Variants in DAB1 observed in about 807,000 individuals in gnomAD.
DAB1 encodes disabled homolog 1.
Under a neutral mutation model 64.6 loss-of-function variants are expected in DAB1, and 15 were observed. The observed-to-expected ratio is 0.23, with a 90% CI of 0.16 to 0.36. The LOEUF is 0.36. Among genes scored for constraint, DAB1 ranks in the 10% least tolerant of loss-of-function variants. DAB1 has a pLI of 1.00. For missense variants in DAB1, 596 were observed against 706.7 expected (o/e 0.84, Z 1.78); for synonymous variants, 235 against 251.9 (o/e 0.93, Z 0.64).
intron 4 of DAB1, among the ~76,000 whole-genome samples, chr1:58,309,145 A>G (rs974773440): frequency 2.0e-5 from 3 of 152,170 alleles, no homozygotes; most frequent in African/African-American, 7.2e-5. Flanking sequence ...TTCTTTGTGA[A>G]GTATTGTGAG....
chr1:58,471,138 T>C (rs1455608658), intron 3 of DAB1, among the ~76,000 whole-genome samples: 1 of 152,184 alleles, frequency 6.6e-6, no homozygotes, highest in African/African-American at 2.4e-5. Context: ...ACAAAAAGTT[T>C]TGAGGCAGAC....
intron 5 of DAB1, among the ~76,000 whole-genome samples, chr1:58,136,558 C>T (rs948865962): frequency 6.6e-6 from 1 of 152,214 alleles, no homozygotes; most frequent in Non-Finnish European, 1.5e-5. Flanking sequence ...GTTTCCAAAG[C>T]TTCACATTTG....
chr1:57,157,847 T>G (rs2100871365), intron 2 of DAB1, among the ~76,000 whole-genome samples: 1 of 152,262 alleles, frequency 6.6e-6, no homozygotes, highest in Middle Eastern at 3.4e-3. Context: ...GCCTGTCCCA[T>G]TCTCATAAAT....
chr1:57,249,825 C>T (rs1669189395), intron 2 of DAB1, among the ~76,000 whole-genome samples: 5 of 152,244 alleles, frequency 3.3e-5, no homozygotes, highest in Admixed American at 3.3e-4. Flanking sequence ...TTACTCCATG[C>T]AGACTTCTGC....
At chr1:57,408,124 T>A (rs1260285518) in intron 1 of DAB1, among the ~76,000 whole-genome samples, 2 of 152,156 alleles carry the variant, frequency 1.3e-5, no homozygotes, top group African/African-American at 4.8e-5. Flanking sequence ...GAGAGGGAAC[T>A]GAAGAATGCC....
chr1:57,687,599 C>CAAAAAAAAAAAAAAAAAAAAAAAAAAAAA (rs57316234), intron 6 of DAB1, among the ~76,000 whole-genome samples: 27 of 82,448 alleles, frequency 3.3e-4, no homozygotes, highest in Non-Finnish European at 4.2e-4. Flanking sequence ...TCTTAAGAAA[C>CAAAAAAAAAAAAAAAAAAAAAAAAAAAAA]AAAAAAAAAA....
At chr1:57,400,471 T>C (rs561143305) in intron 1 of DAB1, among the ~76,000 whole-genome samples, 57 of 152,188 alleles carry the variant, frequency 3.7e-4, no homozygotes, top group African/African-American at 1.3e-3. Flanking sequence ...TAGATGGTTC[T>C]TTCCACTAAT....
chr1:57,085,732 G>A (rs1334909313), intron 4 of DAB1, among the ~76,000 whole-genome samples: 3 of 152,124 alleles, frequency 2.0e-5, no homozygotes, highest in Non-Finnish European at 2.9e-5. Flanking sequence ...TCCCATGTTC[G>A]TTTTTGGCTC....
At chr1:57,005,442 G>C (rs962274149) in intron 14 of DAB1, among the ~76,000 whole-genome samples, 1 of 152,106 alleles carries the variant, frequency 6.6e-6, no homozygotes, top group Non-Finnish European at 1.5e-5. Flanking sequence ...CGTATTTTAG[G>C]GATTTCTGTC....
intron 4 of DAB1, among the ~76,000 whole-genome samples, chr1:58,311,876 C>T (rs993043149): frequency 6.6e-6 from 1 of 151,224 alleles, no homozygotes; most frequent in African/African-American, 2.5e-5. Flanking sequence ...TTCACAACAA[C>T]ATTGGGGGGT....
intron 7 of DAB1, among the ~76,000 whole-genome samples, chr1:57,610,451 C>T (rs548163529): frequency 6.6e-6 from 1 of 152,258 alleles, no homozygotes; most frequent in Admixed American, 6.5e-5. Flanking sequence ...ATGGGACTTG[C>T]CCAATGTCAC....
intron 2 of DAB1, among the ~76,000 whole-genome samples, chr1:58,518,123 T>C (rs1646186682): frequency 6.8e-6 from 1 of 147,440 alleles, no homozygotes; most frequent in South Asian, 2.2e-4. Flanking sequence ...GAGGTGGTGG[T>C]TGCTGTGAGC....
At chr1:58,105,753 C>A (rs1344490621) in intron 5 of DAB1, among the ~76,000 whole-genome samples, 3 of 152,168 alleles carry the variant, frequency 2.0e-5, no homozygotes, top group Non-Finnish European at 4.4e-5. Flanking sequence ...AAAAAGTCCC[C>A]CCACTTCAAG....
intron 5 of DAB1, among the ~76,000 whole-genome samples, chr1:58,111,706 T>G (rs982828675): frequency 2.0e-5 from 3 of 152,126 alleles, no homozygotes; most frequent in African/African-American, 7.2e-5. Context: ...TCTCTTTTGT[T>G]CCATCCTAGA....
intron 4 of DAB1, among the ~76,000 whole-genome samples, chr1:58,331,110 G>A (rs992102074): frequency 2.0e-5 from 3 of 152,184 alleles, no homozygotes; most frequent in African/African-American, 7.2e-5. Context: ...TTCATGGGAG[G>A]AAGGTCAAAC....
intron 1 of DAB1, among the ~76,000 whole-genome samples, chr1:57,846,683 T>C (rs72918527): frequency 0.018 from 2,734 of 152,222 alleles, 78 homozygotes; most frequent in African/African-American, 0.063. Flanking sequence ...AGTTTTTTTT[T>C]CCAGGGCATC....
chr1:57,284,473 T>C (rs2100642107), intron 2 of DAB1, among the ~76,000 whole-genome samples: 1 of 152,282 alleles, frequency 6.6e-6, no homozygotes, highest in Non-Finnish European at 1.5e-5. Flanking sequence ...GCAAATATTA[T>C]CTCTACATCC....
intron 3 of DAB1, among the ~76,000 whole-genome samples, chr1:58,358,207 T>C (rs12122323): frequency 0.012 from 1,903 of 152,264 alleles, 17 homozygotes; most frequent in Non-Finnish European, 0.018. Flanking sequence ...ATAGGATGTT[T>C]TGGCTAAGCT....
intron 7 of DAB1, among the ~76,000 whole-genome samples, chr1:57,435,038 CT>C (rs913872134): frequency 1.5e-5 from 2 of 130,610 alleles, no homozygotes; most frequent in African/African-American, 2.9e-5. Context: ...TTTTTCTTTT[CT>C]TTTTTTCTTT....
Sources: allele counts gnomAD v4.1 joint callset (sites outside exome capture counted in the v4.1 genomes callset), GRCh38; gene constraint gnomAD v4.1.1; transcripts MANE v1.5; gene names NCBI Gene and HGNC (gene_info 2026-07-23, HGNC 2026-07-21).